The following SLC37A2 variants were observed in gnomAD, a reference collection of about 807,000 sequenced individuals.
SLC37A2 encodes solute carrier family 37 member 2.
A neutral mutation model predicts 70.7 loss-of-function variants in SLC37A2; 59 were observed. The observed-to-expected ratio is 0.83, with a 90% CI of 0.68 to 1.04. SLC37A2 has a LOEUF of 1.04. Among genes scored for constraint, SLC37A2 ranks in the 50% least tolerant of loss-of-function variants. SLC37A2 has a pLI of 0.00. For synonymous variants in SLC37A2, 257 were observed against 262.1 expected (o/e 0.98, Z 0.19); for missense variants, 580 against 658.1 (o/e 0.88, Z 1.30).
rs1430466393 is a variant in SLC37A2 at position 125,080,942 on chromosome 11, A to C, written c.694+162A>C. Among the ~76,000 whole-genome samples the C allele has an allele frequency of 6.6e-6, 1 of 152,202 alleles. No individual in the cohort carries two copies. The highest frequency in any genetic ancestry group is 1.5e-5 in the Non-Finnish European group (1 of 68,040). ...CCTTTATTTTCTCATTTGTAAAATA[A>C]TAATAGTAATAATAATGTCTATTTC... On this transcript the variant is annotated intron_variant, in intron 7 of 17. Coordinates refer to ENST00000403796, the MANE Select transcript of SLC37A2 (RefSeq NM_001145290.2). This position sits in a 1 kb window ranked among gnomAD's most constrained non-coding sequence, Gnocchi z 4.3.
chr11:125,085,269 C>G, intron 14 of SLC37A2, 126 bp from the exon 15 acceptor site: 1 of 1,236,670 alleles, frequency 8.1e-7, no homozygotes, highest in Non-Finnish European at 1.2e-6. Context: ...CAGAACGCAC[C>G]ATGGGCCCCT....
intron 1 of SLC37A2, among the ~76,000 whole-genome samples, chr11:125,066,061 C>T (rs755156805): frequency 1.3e-5 from 2 of 152,180 alleles, no homozygotes; most frequent in Admixed American, 1.3e-4. Flanking sequence ...AATTCTGTCC[C>T]GCTGAATCTT....
chr11:125,081,570 C>G (rs1233898045), intron 8 of SLC37A2, 112 bp downstream of exon 8: 1 of 1,427,452 alleles, frequency 7.0e-7, no homozygotes, highest in Non-Finnish European at 9.5e-7. Context: ...ACTGACCTCA[C>G]CGACCCAGTG....
intron 1 of SLC37A2, among the ~76,000 whole-genome samples, chr11:125,070,391 T>C (rs1057423973): frequency 8.5e-5 from 13 of 152,150 alleles, no homozygotes; most frequent in African/African-American, 3.1e-4. Flanking sequence ...ATCCAGGATA[T>C]CTCATTTAAT....
chr11:125,085,259 C>A, intron 14 of SLC37A2, 120 bp downstream of exon 14: 1 of 1,277,846 alleles, frequency 7.8e-7, no homozygotes, highest in Non-Finnish European at 1.1e-6. Flanking sequence ...CAAAGTCCTT[C>A]AGAACGCACC....
In SLC37A2 at chr11:125,077,343, C is replaced by A; in HGVS notation, c.235+20C>A. The A allele has an allele frequency of 1.3e-6, 2 of 1,593,922 alleles. No homozygotes were observed. The highest frequency in any genetic ancestry group is 8.6e-7 in the Non-Finnish European group (1 of 1,169,200). ...CATTTGGTAAGAACAGGGCAAGTTG[C>A]TCTTCCCATTCCCCATTCCCTCTTC... On this transcript the variant is annotated intron_variant, in intron 3 of 17. Coordinates refer to ENST00000403796, the MANE Select transcript of SLC37A2 (RefSeq NM_001145290.2).
At position 125,079,767 on chromosome 11, in the gene SLC37A2, G is replaced by T; in HGVS notation, c.527+7G>T. The T allele has an allele frequency of 6.2e-7, 1 of 1,605,082 alleles. No individual in the cohort carries two copies. The highest frequency in any genetic ancestry group is 1.1e-5 in the South Asian group (1 of 89,566). On this transcript the variant is annotated splice_region_variant and intron_variant, in intron 6 of 17. Coordinates refer to ENST00000403796, the MANE Select transcript of SLC37A2 (RefSeq NM_001145290.2). ...ACTGGTTCGGGAAGGGGAAGTGAGT[G>T]TAACAAGGGAGGAGGAGTGGGAAGG...
rs956397649 is a variant in SLC37A2, at chr11:125,089,087, C to G, written c.*953C>G. On this transcript the variant is annotated 3_prime_UTR_variant, in exon 18 of 18. Transcript: ENST00000403796. ...AGGCAGCTGCTGCAGATGTGGTCACCTGGTGCCATCTGCTGCTCCCTTTTC... is the reference window on the plus strand; with the variant it reads ...AGGCAGCTGCTGCAGATGTGGTCACGTGGTGCCATCTGCTGCTCCCTTTTC... 1.3e-5 allele frequency: 2 copies of G among 152,276 alleles called. No individual in the cohort carries two copies. Among genetic ancestry groups the G allele is most frequent in the African/African-American group, 4.8e-5 (2 of 41,458 alleles). The allele number at this position is 152,276 out of a possible 1,614,324, so 9.4% of individuals were successfully genotyped here.
chr11:125,066,394 C>G (rs1053793247), intron 1 of SLC37A2, among the ~76,000 whole-genome samples: 2 of 152,222 alleles, frequency 1.3e-5, no homozygotes, highest in Non-Finnish European at 2.9e-5. Flanking sequence ...GTCTGGGCAA[C>G]ACAGTAAGAT....
chr11:125,081,570 C>T (rs1233898045), intron 8 of SLC37A2, 112 bp downstream of exon 8: 15 of 1,427,578 alleles, frequency 1.1e-5, no homozygotes, highest in Non-Finnish European at 1.4e-5. Flanking sequence ...ACTGACCTCA[C>T]CGACCCAGTG....
At chr11:125,071,142 TGG>T (rs71462885) in intron 1 of SLC37A2, among the ~76,000 whole-genome samples, 1 of 151,740 alleles carries the variant, frequency 6.6e-6, no homozygotes, top group Non-Finnish European at 1.5e-5. Context: ...GTGTGTGGGG[TGG>T]GGGGGCGGTG....
At position 125,088,322 on chromosome 11, in the gene SLC37A2, C is replaced by A; in HGVS notation, c.*188C>A. 1 of 642,778 alleles carries A rather than the reference C, an allele frequency of 1.6e-6. No homozygotes were observed. Among genetic ancestry groups the A allele is most frequent in the Non-Finnish European group, 2.6e-6 (1 of 377,914 alleles). The allele number at this position is 642,778 out of a possible 1,614,324, so 39.8% of individuals were successfully genotyped here. On this transcript the variant is annotated 3_prime_UTR_variant, in exon 18 of 18. Coordinates refer to ENST00000403796, the MANE Select transcript of SLC37A2 (RefSeq NM_001145290.2). ...TCTCCATGGGAAGGGGACTGCCAAGCATGAGGAAATAGAAGATTCAGGGGC... is the reference window on the plus strand; with the variant it reads ...TCTCCATGGGAAGGGGACTGCCAAGAATGAGGAAATAGAAGATTCAGGGGC...
chr11:125,085,882 A>T (rs2135577671), intron 16 of SLC37A2, 72 bp from the exon 17 acceptor site: 1 of 1,440,258 alleles, frequency 6.9e-7, no homozygotes, highest in South Asian at 1.1e-5. Context: ...TCCACGGGTC[A>T]CCCTGGTGCT....
rs745649294 is a variant in SLC37A2 at position 125,085,632 on chromosome 11, T to C, written c.1383T>C (p.Asn461=). Residue 461 remains asparagine, a synonymous_variant, in exon 16 of 18, where the codon AAT becomes AAC. Transcript: ENST00000403796. ...TCATCTCCCCCACGGGCTGGAACAA[T>C]GTCTTCTACATGCTCATCTCTGCCG... ...AGLISPTGWN[N]VFYMLISADV... 1.2e-6 allele frequency: 2 copies of C among 1,613,608 alleles called. No individual in the cohort carries two copies. The highest frequency in any genetic ancestry group is 2.7e-5 in the African/African-American group (2 of 74,892).
At position 125,063,737 on chromosome 11, in the gene SLC37A2, G is replaced by C. The variant is rs568870835; in HGVS notation, c.59+311G>C. 1.4e-4 allele frequency among the ~76,000 whole-genome samples: 22 copies of C among 152,330 alleles called. No individual in the cohort carries two copies. Among genetic ancestry groups the C allele is most frequent in the Non-Finnish European group, 3.1e-4 (21 of 68,026 alleles). ...CCTCCCCTCCTAACACACATCCGGGGCGCCTTCAGAGCGCCTTTCTGTCGT... is the reference window on the plus strand; with the variant it reads ...CCTCCCCTCCTAACACACATCCGGGCCGCCTTCAGAGCGCCTTTCTGTCGT... On this transcript the variant is annotated intron_variant, in intron 1 of 17. Coordinates refer to ENST00000403796, the MANE Select transcript of SLC37A2 (RefSeq NM_001145290.2). The surrounding 1 kb of genome is among the most constrained non-coding windows in gnomAD (Gnocchi z 5.4).
intron 8 of SLC37A2, 39 bp downstream of exon 8, chr11:125,081,497 A>C: frequency 6.3e-7 from 1 of 1,587,980 alleles, no homozygotes; most frequent in Non-Finnish European, 8.6e-7. Flanking sequence ...CTGCCCTCCA[A>C]CTCCATCCAG....
intron 17 of SLC37A2, chr11:125,086,381 A>G: frequency 1.2e-6 from 1 of 840,710 alleles, no homozygotes; most frequent in Non-Finnish European, 2.0e-6. Flanking sequence ...CCAGTTGTAA[A>G]GACTTTCAAC....
rs1461476539 is a variant in SLC37A2, at chr11:125,090,509, A to ACTG, written c.*2378_*2380dup. ...TTTGTTCTTTGCAATAAATCTTGCT[A>ACTG]CTGCTCACTCTTTGAGTCCACGCTG... On this transcript the variant is annotated 3_prime_UTR_variant, in exon 18 of 18. Coordinates refer to ENST00000403796, the MANE Select transcript of SLC37A2 (RefSeq NM_001145290.2). 6.6e-6 allele frequency among the ~76,000 whole-genome samples: 1 copy of ACTG among 152,172 alleles called. No homozygotes were observed. The highest frequency in any genetic ancestry group is 1.5e-5 in the Non-Finnish European group (1 of 68,038).
At chr11:125,064,161 A>G (rs1232014297) in intron 1 of SLC37A2, among the ~76,000 whole-genome samples, 1 of 152,172 alleles carries the variant, frequency 6.6e-6, no homozygotes, top group Non-Finnish European at 1.5e-5. Context: ...CAAATCATAA[A>G]ATTTAACAAA....
Sources: allele counts gnomAD v4.1 joint callset (sites outside exome capture counted in the v4.1 genomes callset), GRCh38; gene constraint gnomAD v4.1.1; non-coding constraint Gnocchi (gnomAD v3.1); transcripts MANE v1.5; gene names NCBI Gene and HGNC (gene_info 2026-07-23, HGNC 2026-07-21).